The following TMEM50B variants were observed in gnomAD, a reference collection of about 807,000 sequenced individuals.
TMEM50B encodes the protein HCV p7-trans-regulated protein 3.
In TMEM50B, 14 loss-of-function variants were observed where a neutral mutation model predicts 23.4. That is an observed-to-expected ratio of 0.60 (90% confidence interval 0.39 to 0.93). TMEM50B has a LOEUF of 0.93. Among genes scored for constraint, TMEM50B ranks in the 40% least tolerant of loss-of-function variants. The pLI is 0.00. For missense variants in TMEM50B, 159 were observed against 193.0 expected (o/e 0.82, Z 1.04); for synonymous variants, 64 against 62.3 (o/e 1.03, Z -0.13).
At chr21:33,458,967 G>A (rs1452207850) in intron 5 of TMEM50B, among the ~76,000 whole-genome samples, 1 of 152,156 alleles carries the variant, frequency 6.6e-6, no homozygotes, top group Non-Finnish European at 1.5e-5. Flanking sequence ...ATCTTATACT[G>A]ATCAAACTAT....
intron 3 of TMEM50B, among the ~76,000 whole-genome samples, chr21:33,466,234 C>A (rs369722232): frequency 7.2e-5 from 11 of 152,110 alleles, no homozygotes; most frequent in African/African-American, 2.4e-4. Context: ...GTGGTCCAGC[C>A]CAAACAACAG....
chr21:33,438,589 G>A (rs999410752), intron 8 of TMEM50B, among the ~76,000 whole-genome samples: 4 of 152,158 alleles, frequency 2.6e-5, no homozygotes, highest in African/African-American at 4.8e-5. Flanking sequence ...CCTGAGGTCA[G>A]GAGTTCGAGA....
intron 7 of TMEM50B, among the ~76,000 whole-genome samples, chr21:33,443,361 C>A (rs748833747): frequency 1.4e-5 from 2 of 145,990 alleles, no homozygotes; most frequent in Non-Finnish European, 3.0e-5. Flanking sequence ...ATGCTAACTA[C>A]TAAAATAGTG....
chr21:33,435,625 CTGT>C (rs1178994562), intron 8 of TMEM50B, among the ~76,000 whole-genome samples: 97 of 152,230 alleles, frequency 6.4e-4, no homozygotes, highest in Admixed American at 1.3e-3. Flanking sequence ...TGGCTCATGC[CTGT>C]AATCCCAGCA....
In TMEM50B at chr21:33,468,837, C is replaced by T. The variant is rs777527559; in HGVS notation, c.49G>A (p.Asp17Asn). ...NFRWPECECI[D>N]WSERRNAVAS... ...ACAGCATTTCTTCTCTCACTCCAGT[C>T]AATACATTCACATTCTGGCCAACGA... The change falls in exon 2 of 7, where the codon GAC becomes AAC. Residue 17 changes from aspartate to asparagine, a missense_variant. Coordinates refer to ENST00000542230, the MANE Select transcript of TMEM50B (RefSeq NM_006134.7). 3.0e-5 allele frequency: 49 copies of T among 1,613,952 alleles called. No individual in the cohort carries two copies. Among genetic ancestry groups the T allele is most frequent in the Non-Finnish European group, 4.1e-5 (48 of 1,179,990 alleles).
At chr21:33,453,792 C>T (rs889110048) in intron 6 of TMEM50B, among the ~76,000 whole-genome samples, 3 of 151,896 alleles carry the variant, frequency 2.0e-5, no homozygotes, top group Non-Finnish European at 4.4e-5. Context: ...CCTAAATATC[C>T]TATGTTGACA....
downstream of TMEM50B, among the ~76,000 whole-genome samples, chr21:33,445,276 TACTC>T (rs1190323138): frequency 2.6e-5 from 4 of 152,162 alleles, no homozygotes; most frequent in African/African-American, 7.2e-5. Flanking sequence ...CTGCCATACT[TACTC>T]AAAGAAATTT....
At chr21:33,465,538 T>A (rs879791629) in intron 3 of TMEM50B, 129 bp from the exon 4 acceptor site, 58 of 643,496 alleles carry the variant, frequency 9.0e-5, no homozygotes, top group Admixed American at 7.2e-4. Flanking sequence ...ATTTAACATA[T>A]TTTTAACCTA....
chr21:33,467,359 G>A (rs1005369268), intron 2 of TMEM50B, among the ~76,000 whole-genome samples: 1 of 152,180 alleles, frequency 6.6e-6, no homozygotes, highest in South Asian at 2.1e-4. Context: ...GCGCAGTGCT[G>A]ACATCTGTAA....
chr21:33,443,419 C>G (rs373337590), intron 7 of TMEM50B, among the ~76,000 whole-genome samples: 11 of 151,860 alleles, frequency 7.2e-5, no homozygotes, highest in Non-Finnish European at 1.6e-4. Flanking sequence ...GGCTGTGCAC[C>G]GCACAACCCC....
intron 4 of TMEM50B, among the ~76,000 whole-genome samples, chr21:33,464,209 T>A (rs989041280): frequency 6.6e-6 from 1 of 151,114 alleles, no homozygotes; most frequent in Non-Finnish European, 1.5e-5. Flanking sequence ...TTTTTTTTTT[T>A]TTTTTGAGAC....
chr21:33,445,977 T>C (rs2084049492), downstream of TMEM50B, among the ~76,000 whole-genome samples: 1 of 152,046 alleles, frequency 6.6e-6, no homozygotes, highest in Admixed American at 6.6e-5. Context: ...TAAACTTAAA[T>C]CCATAGGCCT....
At chr21:33,452,024 G>A (rs536708014) in intron 6 of TMEM50B, among the ~76,000 whole-genome samples, 1 of 152,204 alleles carries the variant, frequency 6.6e-6, no homozygotes, top group Non-Finnish European at 1.5e-5. Flanking sequence ...AGAGCACATA[G>A]ATGACACAGC....
intron 4 of TMEM50B, among the ~76,000 whole-genome samples, chr21:33,463,120 A>G (rs1478747465): frequency 6.6e-6 from 1 of 152,072 alleles, no homozygotes; most frequent in Non-Finnish European, 1.5e-5. Context: ...GGTGAAACCC[A>G]GTTTCTACCA....
chr21:33,462,194 G>A (rs377412374), intron 4 of TMEM50B, among the ~76,000 whole-genome samples: 2 of 151,684 alleles, frequency 1.3e-5, no homozygotes, highest in East Asian at 1.9e-4. Flanking sequence ...TAATTCCTCC[G>A]GGAACTAAAT....
chr21:33,436,621 T>C (rs181768389), intron 8 of TMEM50B, among the ~76,000 whole-genome samples: 61 of 151,582 alleles, frequency 4.0e-4, no homozygotes, highest in African/African-American at 1.2e-3. Context: ...ACTTGGAGGA[T>C]TGAGGCAGGA....
chr21:33,449,060 T>C (rs1298469876), downstream of TMEM50B: 1 of 152,200 alleles, frequency 6.6e-6, no homozygotes. Context: ...CATCTTTAAT[T>C]GGGTATACTT....
chr21:33,440,481 A>C (rs1399321608), intron 7 of TMEM50B, among the ~76,000 whole-genome samples: 2 of 151,836 alleles, frequency 1.3e-5, no homozygotes, highest in Non-Finnish European at 2.9e-5. Flanking sequence ...CCAGCTACTC[A>C]GGAGGCTGAG....
intron 7 of TMEM50B, among the ~76,000 whole-genome samples, chr21:33,440,653 C>A (rs2084000108): frequency 6.7e-6 from 1 of 148,408 alleles, no homozygotes; most frequent in South Asian, 2.2e-4. Flanking sequence ...GAGGCTGAGG[C>A]AGGAGGGATC....
Sources: gnomAD v4.1 joint callset for allele counts (sites outside exome capture counted in the v4.1 genomes callset) on GRCh38, gnomAD v4.1.1 for gene constraint, MANE v1.5 for transcripts, NCBI Gene and HGNC (gene_info 2026-07-23, HGNC 2026-07-21) for gene names.